The following EXT1 variants were observed in gnomAD, a reference collection of about 807,000 sequenced individuals.
EXT1 encodes the protein exostosin glycosyltransferase 1, also known as exostosin-1.
In EXT1, 20 loss-of-function variants were observed where a neutral mutation model predicts 82.5. That is an observed-to-expected ratio of 0.24 (90% confidence interval 0.17 to 0.35). EXT1 has a LOEUF of 0.35. Ranked by LOEUF, EXT1 falls within the 10% of genes least tolerant of loss-of-function variation. EXT1 has a pLI of 1.00. For missense variants in EXT1, 757 were observed against 936.5 expected (o/e 0.81, Z 2.50); for synonymous variants, 348 against 350.8 (o/e 0.99, Z 0.09).
chr8:117,824,254 A>G (rs1163296143), intron 4 of EXT1, among the ~76,000 whole-genome samples: 1 of 152,226 alleles, frequency 6.6e-6, no homozygotes, highest in Non-Finnish European at 1.5e-5. Flanking sequence ...AGCTGTCACA[A>G]AATGGGTCAT....
chr8:117,986,886 C>T (rs1815332681), intron 1 of EXT1, among the ~76,000 whole-genome samples: 1 of 152,180 alleles, frequency 6.6e-6, no homozygotes, highest in Non-Finnish European at 1.5e-5. Context: ...TCTTAATTAA[C>T]AATTAGGCTT....
chr8:117,804,303 A>G (rs1823206802), intron 10 of EXT1, among the ~76,000 whole-genome samples: 1 of 152,162 alleles, frequency 6.6e-6, no homozygotes. Context: ...AGGGCTATCT[A>G]TGAATCAGGA....
At chr8:117,855,755 G>A (rs1451586132) in intron 1 of EXT1, among the ~76,000 whole-genome samples, 1 of 152,056 alleles carries the variant, frequency 6.6e-6, no homozygotes, top group East Asian at 1.9e-4. Context: ...TGCAACCTCC[G>A]CCTCCCAGGT....
At chr8:118,053,222 T>C (rs28357309) in intron 1 of EXT1, among the ~76,000 whole-genome samples, 8 of 152,248 alleles carry the variant, frequency 5.3e-5, no homozygotes, top group South Asian at 2.1e-4. Flanking sequence ...AAAAGTCCCA[T>C]TGAAATGGAG....
At chr8:117,924,908 C>A (rs17475666) in intron 1 of EXT1, among the ~76,000 whole-genome samples, 2,678 of 152,208 alleles carry the variant, frequency 0.018, 33 homozygotes, top group Middle Eastern at 0.048. Flanking sequence ...GTAATGGGCT[C>A]CCTGTAGAAT....
intron 1 of EXT1, among the ~76,000 whole-genome samples, chr8:118,088,246 A>C (rs577524503): frequency 1.3e-5 from 2 of 152,336 alleles, no homozygotes; most frequent in East Asian, 3.9e-4. Flanking sequence ...TGAGAAAACA[A>C]AACAAAACAA....
intron 8 of EXT1, among the ~76,000 whole-genome samples, chr8:117,808,541 T>C (rs997181901): frequency 1.3e-5 from 2 of 152,360 alleles, no homozygotes; most frequent in South Asian, 2.1e-4. Context: ...TTGTCTCTTA[T>C]ACACGCTATG....
intron 1 of EXT1, among the ~76,000 whole-genome samples, chr8:118,003,597 A>G (rs1815718349): frequency 6.6e-6 from 1 of 152,120 alleles, no homozygotes; most frequent in Admixed American, 6.5e-5. Context: ...TGTATTTCAA[A>G]CTCAAAAAAT....
chr8:117,942,334 T>C (rs1412574191), intron 1 of EXT1, among the ~76,000 whole-genome samples: 1 of 152,170 alleles, frequency 6.6e-6, no homozygotes, highest in Non-Finnish European at 1.5e-5. Flanking sequence ...GAGACTGTAA[T>C]AATGTAGGGG....
At chr8:117,944,361 T>C (rs1363946885) in intron 1 of EXT1, among the ~76,000 whole-genome samples, 1 of 152,220 alleles carries the variant, frequency 6.6e-6, no homozygotes, top group African/African-American at 2.4e-5. Flanking sequence ...ATTGTGCCAC[T>C]GTACTCCAGC....
chr8:117,973,690 C>T (rs1475870236), intron 1 of EXT1, among the ~76,000 whole-genome samples: 1 of 151,670 alleles, frequency 6.6e-6, no homozygotes, highest in East Asian at 1.9e-4. Context: ...ATTGCTTGAG[C>T]CCAGTAGGTC....
rs17479998 is a variant in EXT1, at chr8:118,004,953, C to T, written c.962+105132G>A. Among the ~76,000 whole-genome samples the T allele has an allele frequency of 3.3e-5, 5 of 152,290 alleles. No homozygotes were observed. In the East Asian group the frequency reaches 7.7e-4, roughly 23 times the overall value. Reference sequence around the variant, plus strand: ...AAGCACCTACTTGGCCACCACACTCCGTAGGACATTTAGTAAACATGGTCT... The same window carrying T: ...AAGCACCTACTTGGCCACCACACTCTGTAGGACATTTAGTAAACATGGTCT... On this transcript the variant is annotated intron_variant, in intron 1 of 10. Transcript: ENST00000378204.
Position 117,976,963 on chromosome 8 carries a change from G to T in EXT1, c.962+133122C>A, listed in dbSNP as rs1056004206. 3.0e-4 allele frequency among the ~76,000 whole-genome samples: 45 copies of T among 152,126 alleles called. 1 individual carries two copies. The highest frequency in any genetic ancestry group is 4.1e-4 in the South Asian group (2 of 4,822). ...TGAAAGGAGAGGGGCCCTGAATACT[G>T]AGGTTTTAATGTTTGCTTCCTGGGG... On this transcript the variant is annotated intron_variant, in intron 1 of 10. Coordinates refer to ENST00000378204, the MANE Select transcript of EXT1 (RefSeq NM_000127.3).
chr8:117,873,581 G>A (rs917177610), intron 1 of EXT1, among the ~76,000 whole-genome samples: 7 of 149,524 alleles, frequency 4.7e-5, no homozygotes, highest in South Asian at 4.3e-4. Context: ...TCAGCCTCCC[G>A]AATAGCTAGG....
chr8:117,856,596 G>T (rs984344852), intron 1 of EXT1, among the ~76,000 whole-genome samples: 1 of 148,332 alleles, frequency 6.7e-6, no homozygotes, highest in East Asian at 2.1e-4. Flanking sequence ...ATGACAGAGA[G>T]AAATGTGGAA....
chr8:118,009,962 T>C (rs1815861393), intron 1 of EXT1, among the ~76,000 whole-genome samples: 1 of 152,190 alleles, frequency 6.6e-6, no homozygotes, highest in Non-Finnish European at 1.5e-5. Context: ...AATTGGGTTC[T>C]AAGAAGTGGC....
chr8:118,025,013 G>C (rs1816177827), intron 1 of EXT1, among the ~76,000 whole-genome samples: 1 of 152,280 alleles, frequency 6.6e-6, no homozygotes, highest in Middle Eastern at 3.4e-3. Context: ...CCTTATCTAT[G>C]CATGAAGTAT....
intron 1 of EXT1, among the ~76,000 whole-genome samples, chr8:117,939,832 A>G (rs1814239602): frequency 6.6e-6 from 1 of 152,214 alleles, no homozygotes; most frequent in Non-Finnish European, 1.5e-5. Context: ...CTTGAACGCA[A>G]AAACCACATC....
intron 1 of EXT1, among the ~76,000 whole-genome samples, chr8:117,943,103 C>G (rs1370167496): frequency 1.3e-5 from 2 of 152,178 alleles, no homozygotes; most frequent in African/African-American, 4.8e-5. Flanking sequence ...TGTAGAAGCC[C>G]TAAGAAGTTT....
Sources: gnomAD v4.1 joint callset for allele counts (sites outside exome capture counted in the v4.1 genomes callset) on GRCh38, gnomAD v4.1.1 for gene constraint, MANE v1.5 for transcripts, NCBI Gene and HGNC (gene_info 2026-07-23, HGNC 2026-07-21) for gene names.